The following FBXO31 variants were observed in gnomAD, a reference collection of about 807,000 sequenced individuals.
FBXO31 encodes the protein F-box protein 31.
A neutral mutation model predicts 54.4 loss-of-function variants in FBXO31; 24 were observed. The ratio of observed to expected loss-of-function variants is 0.44; its 90% CI spans 0.32 to 0.62. FBXO31 has a LOEUF of 0.62. Among genes scored for constraint, FBXO31 ranks in the 20% least tolerant of loss-of-function variants. The probability of loss-of-function intolerance (pLI) is 0.05; values close to 1 mark genes in which losing one functional copy is unlikely to be tolerated. For missense variants in FBXO31, 665 were observed against 787.1 expected (o/e 0.84, Z 1.86); for synonymous variants, 388 against 335.6 (o/e 1.16, Z -1.71).
chr16:87,392,084 T>G (rs895413734), upstream of FBXO31: 11 of 235,246 alleles, frequency 4.7e-5, no homozygotes, highest in Non-Finnish European at 9.0e-5. Context: ...AACCGTCACC[T>G]CAGGGGCCTC....
chr16:87,337,502 C>T (rs1007252168), intron 5 of FBXO31, among the ~76,000 whole-genome samples: 4 of 152,206 alleles, frequency 2.6e-5, no homozygotes, highest in African/African-American at 4.8e-5. Flanking sequence ...GAAGAGCAAA[C>T]GGGAGGACCA....
In FBXO31 at chr16:87,383,462, T is replaced by C; in HGVS notation, c.283A>G (p.Thr95Ala). The C allele has an allele frequency of 6.3e-7, 1 of 1,591,794 alleles. No individual in the cohort carries two copies. Among genetic ancestry groups the C allele is most frequent in the South Asian group, 1.1e-5 (1 of 87,968 alleles). Residue 95 changes from threonine (T) to alanine (A), a missense_variant, in exon 1 of 9, where the codon ACG becomes GCG. By Grantham distance (58) the Thr-to-Ala change is moderately conservative. Coordinates refer to ENST00000311635, the MANE Select transcript of FBXO31 (RefSeq NM_024735.5). The surrounding 1 kb of genome is among the most constrained non-coding windows in gnomAD (Gnocchi z 4.9). ...GTGTGGAGGATGCGCCGGAACTTCG[T>C]GCAGACCTGGGCCAAGCTGGGTAGG... is the stretch of plus-strand genomic sequence containing the variant. Reference protein sequence around the residue: ...TDLPSLAQVCTKFRRILHTDT... With the variant: ...TDLPSLAQVCAKFRRILHTDT...
At chr16:87,391,663 G>A (rs1907558530), upstream of FBXO31, 1 of 152,374 alleles carries the variant, frequency 6.6e-6, no homozygotes, top group Non-Finnish European at 1.5e-5. Flanking sequence ...CAGAATGAAG[G>A]CTCGGGACAA....
chr16:87,389,733 T>C (rs1907454917), intron 1 of FBXO31: 2 of 152,312 alleles, frequency 1.3e-5, no homozygotes, highest in South Asian at 4.1e-4. Context: ...TAATATGCGC[T>C]TACCGGATTT....
rs1398356551 is a variant in FBXO31 at position 87,357,000 on chromosome 16, C to CT, written c.412+3294dup. ...AATGGCTACACCTGCAATCCCAACA[C>CT]TTTGAGAGGCCAAGGTGGGAGGAAT... On this transcript the variant is annotated intron_variant, in intron 2 of 8. Transcript: ENST00000311635. Among the ~76,000 whole-genome samples, 8 of 152,282 alleles carry CT rather than the reference C, an allele frequency of 5.3e-5. No individual in the cohort carries two copies. The East Asian group carries it at 1.2e-3, about 22-fold the overall frequency.
chr16:87,375,056 C>T (rs553236155), intron 1 of FBXO31, among the ~76,000 whole-genome samples: 4 of 152,244 alleles, frequency 2.6e-5, no homozygotes, highest in Admixed American at 6.5e-5. Context: ...CGGTGGCTCA[C>T]GCTTGTAATC....
Position 87,327,975 on chromosome 16 carries a change from T to C in FBXO31, c.*3313A>G, listed in dbSNP as rs1227430726. ...CGGTGGACCACAGCTCAGCATCTCC[T>C]GTTCGCACCCAAGACCCCACGGCCA... On this transcript the variant is annotated 3_prime_UTR_variant, in exon 9 of 9. Coordinates refer to ENST00000311635, the MANE Select transcript of FBXO31 (RefSeq NM_024735.5). 3 of 152,258 alleles carry C rather than the reference T, an allele frequency of 2.0e-5. No homozygotes were observed. Among genetic ancestry groups the C allele is most frequent in the African/African-American group, 7.2e-5 (3 of 41,460 alleles). 9.4% of individuals were successfully genotyped at this position (152,258 alleles called of 1,614,324 possible).
At chr16:87,360,932 C>G (rs549081072) in intron 1 of FBXO31, among the ~76,000 whole-genome samples, 30 of 152,322 alleles carry the variant, frequency 2.0e-4, no homozygotes, top group Admixed American at 1.2e-3. Flanking sequence ...CCCGCAACCC[C>G]TGTCCTCACA....
intron 5 of FBXO31, among the ~76,000 whole-genome samples, chr16:87,341,320 A>T (rs1487310280): frequency 1.3e-5 from 2 of 152,200 alleles, no homozygotes; most frequent in Non-Finnish European, 2.9e-5. Context: ...ACAGCTGAGG[A>T]GTTTCTATTC....
At position 87,334,131 on chromosome 16, in the gene FBXO31, G is replaced by A. The variant is rs755121895; in HGVS notation, c.1152C>T (p.Gly384=). 3.1e-6 allele frequency: 5 copies of A among 1,611,574 alleles called. No homozygotes were observed. The highest frequency in any genetic ancestry group is 3.4e-6 in the Non-Finnish European group (4 of 1,179,178). The stretch of plus-strand genomic sequence containing the variant: ...CACGACCCTCGCCCGCCTCGTGCCC[G>A]CCTTCCTGCTGCTCCTGGCGCACCC... ...RERVRQEQQE[G]GHEAGEGRGR... Residue 384 remains glycine (G), a synonymous_variant, in exon 8 of 9, where the codon GGC becomes GGT. Transcript: ENST00000311635.
chr16:87,333,993 G>A lies in FBXO31; in HGVS notation c.1290C>T (p.Ala430=), dbSNP rs376486569. The A allele has an allele frequency of 3.0e-5, 48 of 1,612,684 alleles. 1 individual carries two copies. Among genetic ancestry groups the A allele is most frequent in the African/African-American group, 1.9e-4 (14 of 74,936 alleles). ...PGEDGGEPGD[A]VAAAEQPAQC... ...GGGCAGGCTGCTCGGCCGCAGCTAC[G>A]GCATCCCCAGGCTCGCCACCATCCT... The change falls in exon 8 of 9, where the codon GCC becomes GCT. Residue 430 remains alanine (A), a synonymous_variant. Coordinates refer to ENST00000311635, the MANE Select transcript of FBXO31 (RefSeq NM_024735.5).
intron 1 of FBXO31, among the ~76,000 whole-genome samples, chr16:87,361,401 G>A (rs771392782): frequency 2.6e-5 from 4 of 152,260 alleles, no homozygotes; most frequent in African/African-American, 9.6e-5. Flanking sequence ...CAACACAGGA[G>A]ACGGGACGAG....
chr16:87,343,011 C>T, intron 4 of FBXO31, 60 bp from the exon 5 acceptor site: 1 of 1,468,540 alleles, frequency 6.8e-7, no homozygotes, highest in South Asian at 1.2e-5. Flanking sequence ...TCACAGCATC[C>T]CCCACCCCAG....
chr16:87,348,854 C>T (rs1905515130), intron 2 of FBXO31, among the ~76,000 whole-genome samples: 1 of 152,214 alleles, frequency 6.6e-6, no homozygotes, highest in East Asian at 1.9e-4. Context: ...CTCCCGCAAA[C>T]CCTGGATCCC....
At chr16:87,359,184 C>T (rs182289959) in intron 2 of FBXO31, among the ~76,000 whole-genome samples, 14 of 152,202 alleles carry the variant, frequency 9.2e-5, no homozygotes, top group Non-Finnish European at 1.8e-4. Flanking sequence ...GTGAATTCTC[C>T]GCATTTTGCA....
chr16:87,342,573 C>T (rs943391736), intron 5 of FBXO31, among the ~76,000 whole-genome samples: 11 of 152,196 alleles, frequency 7.2e-5, no homozygotes, highest in African/African-American at 2.7e-4. Context: ...AAGCAGCCTC[C>T]CAGCAACCCC....
Position 87,380,422 on chromosome 16 carries a change from G to A in FBXO31, c.340+2983C>T, listed in dbSNP as rs180892296. Among the ~76,000 whole-genome samples the A allele has an allele frequency of 3.4e-3, 512 of 151,324 alleles. 2 individuals carry two copies. The highest frequency in any genetic ancestry group is 4.1e-3 in the Non-Finnish European group (278 of 67,882). On this transcript the variant is annotated intron_variant, in intron 1 of 8. Coordinates refer to ENST00000311635, the MANE Select transcript of FBXO31 (RefSeq NM_024735.5). ...TTTGTTTTTCATGGGTTTTTTTTGCGAAAGGGTCTCACTCTGTCACCCGGA... is the reference window on the plus strand; with the variant it reads ...TTTGTTTTTCATGGGTTTTTTTTGCAAAAGGGTCTCACTCTGTCACCCGGA...
chr16:87,370,721 G>A (rs944293186), intron 1 of FBXO31, among the ~76,000 whole-genome samples: 8 of 152,204 alleles, frequency 5.3e-5, no homozygotes, highest in Non-Finnish European at 1.5e-5. Context: ...GCAGAGTGAA[G>A]CCAGGAGCAG....
chr16:87,376,984 C>G (rs1906850500), intron 1 of FBXO31, among the ~76,000 whole-genome samples: 1 of 152,216 alleles, frequency 6.6e-6, no homozygotes, highest in African/African-American at 2.4e-5. Context: ...ACCTGTAATA[C>G]CACACAGGCT....
Sources: allele counts gnomAD v4.1 joint callset (sites outside exome capture counted in the v4.1 genomes callset), GRCh38; gene constraint gnomAD v4.1.1; non-coding constraint Gnocchi (gnomAD v3.1); transcripts MANE v1.5; gene names NCBI Gene and HGNC (gene_info 2026-07-23, HGNC 2026-07-21).